CIMIP3: variants seen among roughly 807,000 people sequenced by gnomAD.
CIMIP3 encodes the protein GUCA1A neighbor.
chr6:42,161,340 G>A, the CIMIP3 span, among the ~76,000 whole-genome samples: 1 of 152,148 alleles, frequency 6.6e-6, no homozygotes, highest in African/African-American at 2.4e-5. Context: ...CTGTGAGGCT[G>A]GGGGAGAGGA....
At chr6:42,162,938 G>A in the CIMIP3 span, 6 of 676,694 alleles carry the variant, frequency 8.9e-6, no homozygotes, top group Non-Finnish European at 1.7e-5. Flanking sequence ...GAAACCCTCT[G>A]TACCCAGTCA....
the CIMIP3 span, among the ~76,000 whole-genome samples, chr6:42,162,607 G>A: frequency 6.7e-6 from 1 of 148,280 alleles, no homozygotes; most frequent in Non-Finnish European, 1.5e-5. Flanking sequence ...CAAGGACACG[G>A]ACAGACGATT....
chr6:42,158,082 CT>C, the CIMIP3 span, among the ~76,000 whole-genome samples: 3 of 151,444 alleles, frequency 2.0e-5, no homozygotes, highest in Non-Finnish European at 4.4e-5. Flanking sequence ...AGAATCACCC[CT>C]GGCTGAGAAC....
the CIMIP3 span, among the ~76,000 whole-genome samples, chr6:42,162,616 T>C: frequency 7.4e-5 from 11 of 148,582 alleles, no homozygotes; most frequent in African/African-American, 2.5e-4. Context: ...GGACAGACGA[T>C]TGGATGCAGG....
At chr6:42,162,401 G>A in the CIMIP3 span, among the ~76,000 whole-genome samples, 1 of 130,646 alleles carries the variant, frequency 7.7e-6, no homozygotes, top group Non-Finnish European at 1.6e-5. Flanking sequence ...GGCAACAAGA[G>A]CGAAACTCTT....
At chr6:42,158,535 C>T in the CIMIP3 span, among the ~76,000 whole-genome samples, 1 of 152,220 alleles carries the variant, frequency 6.6e-6, no homozygotes, top group Non-Finnish European at 1.5e-5. Flanking sequence ...GGGCCCAAGC[C>T]AGGGCCTGGG....
the CIMIP3 span, among the ~76,000 whole-genome samples, chr6:42,156,415 G>A: frequency 3.3e-5 from 5 of 150,348 alleles, no homozygotes; most frequent in South Asian, 2.1e-4. Context: ...TCAACCTCCC[G>A]CTGAATTACA....
At chr6:42,155,772 G>A in the CIMIP3 span, among the ~76,000 whole-genome samples, 1 of 152,098 alleles carries the variant, frequency 6.6e-6, no homozygotes, top group African/African-American at 2.4e-5. Flanking sequence ...GGACTGTTTG[G>A]TTCGTGTTAC....
chr6:42,161,526 T>C, the CIMIP3 span, among the ~76,000 whole-genome samples: 1 of 152,052 alleles, frequency 6.6e-6, no homozygotes, highest in African/African-American at 2.4e-5. Context: ...GATTTGAAGG[T>C]GAACAGGATA....
chr6:42,161,248 C>T, the CIMIP3 span, among the ~76,000 whole-genome samples: 1 of 152,100 alleles, frequency 6.6e-6, no homozygotes, highest in South Asian at 2.1e-4. Context: ...GCAAAGGAGA[C>T]TTCTTTTGTA....
chr6:42,161,101 T>C, the CIMIP3 span, among the ~76,000 whole-genome samples: 135 of 152,248 alleles, frequency 8.9e-4, 1 homozygote, highest in Admixed American at 3.5e-3. Flanking sequence ...GGCAGGAGAA[T>C]TGCTTGAACC....
At chr6:42,159,114 A>C in the CIMIP3 span, among the ~76,000 whole-genome samples, 1 of 152,208 alleles carries the variant, frequency 6.6e-6, no homozygotes, top group Non-Finnish European at 1.5e-5. Flanking sequence ...ACCAAGGATA[A>C]AGAGATTGCC....
At chr6:42,162,090 C>CTTTTT in the CIMIP3 span, among the ~76,000 whole-genome samples, 37 of 63,078 alleles carry the variant, frequency 5.9e-4, 3 homozygotes, top group African/African-American at 1.2e-3. Context: ...AAGCCACATT[C>CTTTTT]TTTTTTTTTT....
At chr6:42,163,273 G>C in the CIMIP3 span, 2 of 546,766 alleles carry the variant, frequency 3.7e-6, no homozygotes, top group Non-Finnish European at 6.7e-6. Context: ...GGAAGCCCCC[G>C]ACCCTTCACC....
At chr6:42,161,707 A>G in the CIMIP3 span, among the ~76,000 whole-genome samples, 1 of 152,152 alleles carries the variant, frequency 6.6e-6, no homozygotes, top group Non-Finnish European at 1.5e-5. Context: ...TTTGGTAACA[A>G]TGAGATATGT....
chr6:42,156,724 C>A, the CIMIP3 span, among the ~76,000 whole-genome samples: 2 of 152,346 alleles, frequency 1.3e-5, no homozygotes, highest in Admixed American at 1.3e-4. Context: ...AATTAGATAG[C>A]CTTATTATCC....
At chr6:42,158,483 G>C in the CIMIP3 span, among the ~76,000 whole-genome samples, 1 of 152,202 alleles carries the variant, frequency 6.6e-6, no homozygotes, top group Non-Finnish European at 1.5e-5. Flanking sequence ...TGTTGCAGCA[G>C]CAGCATTCTA....
the CIMIP3 span, chr6:42,163,241 C>A: frequency 1.7e-6 from 1 of 592,656 alleles, no homozygotes; most frequent in Non-Finnish European, 3.1e-6. Context: ...GGTCTTGTGG[C>A]GCTCCTAGGC....
chr6:42,160,152 A>G, the CIMIP3 span, among the ~76,000 whole-genome samples: 1 of 93,972 alleles, frequency 1.1e-5, no homozygotes, highest in African/African-American at 3.5e-5. Flanking sequence ...TGCCTGGCTA[A>G]TTTTTAATTT....
Sources: gnomAD v4.1 joint callset for allele counts (sites outside exome capture counted in the v4.1 genomes callset) on GRCh38, gnomAD v4.1.1 for gene constraint, MANE v1.5 for transcripts, NCBI Gene and HGNC (gene_info 2026-07-23, HGNC 2026-07-21) for gene names.